KIF1B: variants seen among roughly 807,000 people sequenced by gnomAD.
The protein encoded by KIF1B is kinesin family member 1B.
In KIF1B, 76 loss-of-function variants were observed where a neutral mutation model predicts 241.9. The ratio of observed to expected loss-of-function variants is 0.31; its 90% CI spans 0.26 to 0.38. The LOEUF is 0.38. KIF1B is among the 10% of genes least tolerant of loss of function. The probability of loss-of-function intolerance (pLI) is 1.00; values close to 1 mark genes in which losing one functional copy is unlikely to be tolerated. For synonymous variants in KIF1B, 750 were observed against 796.7 expected, an observed-to-expected ratio of 0.94 and a Z score of 0.99; for missense variants, 1,622 against 2,271.4, an observed-to-expected ratio of 0.71 and a Z score of 5.81.
At chr1:10,268,441 A>G (rs966810432) in intron 7 of KIF1B, among the ~76,000 whole-genome samples, 178 bp downstream of exon 7, 2 of 152,142 alleles carry the variant, frequency 1.3e-5, no homozygotes, top group African/African-American at 2.4e-5. Flanking sequence ...AGTTTTCTGT[A>G]TAGGTTCTTA....
chr1:10,242,319 C>G (rs1647148531), intron 2 of KIF1B, among the ~76,000 whole-genome samples: 1 of 151,884 alleles, frequency 6.6e-6, no homozygotes. Flanking sequence ...ATGGAGTGTA[C>G]TTACACAAAC....
chr1:10,345,996 C>A, intron 35 of KIF1B, 43 bp downstream of exon 35: 2 of 1,277,712 alleles, frequency 1.6e-6, no homozygotes, highest in Non-Finnish European at 2.3e-6. Context: ...CAAAATGTTT[C>A]AAATTAGGAA....
intron 44 of KIF1B, among the ~76,000 whole-genome samples, chr1:10,368,979 G>A (rs909632418): frequency 3.9e-5 from 6 of 152,086 alleles, no homozygotes; most frequent in African/African-American, 1.2e-4. Context: ...AAACCCTCCC[G>A]GCTCATTCCT....
In KIF1B at chr1:10,381,461, G is replaced by T. The variant is rs1207085521; in HGVS notation, c.*4874G>T. 1.4e-5 allele frequency: 3 copies of T among 207,562 alleles called. No individual in the cohort carries two copies. Among genetic ancestry groups the T allele is most frequent in the African/African-American group, 6.8e-5 (3 of 43,902 alleles). The allele number at this position is 207,562 out of a possible 1,614,324, so 12.9% of individuals were successfully genotyped here. A position where few individuals can be genotyped will look rare whatever the true frequency, so the allele number is the denominator to read the frequency against. On this transcript the variant is annotated 3_prime_UTR_variant, in exon 49 of 49. Coordinates refer to ENST00000676179, the MANE Select transcript of KIF1B (RefSeq NM_001365951.3). ...TATACAGACTGTAAATATAGTTCTT[G>T]TATTTGTACTAATTCTGATTCTTTT... is the stretch of plus-strand genomic sequence containing the variant.
At chr1:10,343,505 C>A (rs530323262) in intron 34 of KIF1B, among the ~76,000 whole-genome samples, 49 of 152,288 alleles carry the variant, frequency 3.2e-4, no homozygotes, top group Admixed American at 2.5e-3. Flanking sequence ...TGCCTGTAAT[C>A]CCAGCACTTT....
intron 9 of KIF1B, among the ~76,000 whole-genome samples, chr1:10,272,750 T>C (rs1196584041): frequency 3.3e-5 from 5 of 151,990 alleles, no homozygotes; most frequent in African/African-American, 1.2e-4. Flanking sequence ...AGTTTTGTTC[T>C]TTCCTACTCC....
intron 27 of KIF1B, 53 bp from the exon 28 acceptor site, chr1:10,334,467 A>T (rs1490059695): frequency 1.5e-6 from 2 of 1,335,874 alleles, no homozygotes; most frequent in East Asian, 4.6e-5. Context: ...TCTGAAAGCC[A>T]GTTTATCTCT....
At chr1:10,370,267 A>G (rs1161837782) in intron 44 of KIF1B, among the ~76,000 whole-genome samples, 2 of 151,780 alleles carry the variant, frequency 1.3e-5, no homozygotes, top group Non-Finnish European at 2.9e-5. Context: ...ATAAATAAAG[A>G]TAATGCAGGA....
intron 1 of KIF1B, among the ~76,000 whole-genome samples, chr1:10,232,044 C>G (rs914051428): frequency 6.6e-6 from 1 of 152,016 alleles, no homozygotes; most frequent in Non-Finnish European, 1.5e-5. Flanking sequence ...CACTTGAACC[C>G]TGGAGTTCAA....
chr1:10,238,816 A>G (rs1456108859), intron 2 of KIF1B, among the ~76,000 whole-genome samples: 1 of 152,234 alleles, frequency 6.6e-6, no homozygotes, highest in East Asian at 1.9e-4. Context: ...ATGAAAATAA[A>G]TGTAAATGCA....
rs1285523936 is a variant in KIF1B at position 10,374,468 on chromosome 1, G to T, written c.5096+3G>T. On this transcript the variant is annotated splice_donor_region_variant and intron_variant, in intron 46 of 48. Transcript: ENST00000676179. This position sits in a 1 kb window ranked among gnomAD's most constrained non-coding sequence, Gnocchi z 4.3. ...GATATTGAAGAAATTAGACCAAGGT[G>T]AGTACTATATTGAGCAGGAATGCCA... 6.2e-7 allele frequency: 1 copy of T among 1,614,056 alleles called. No homozygotes were observed. Among genetic ancestry groups the T allele is most frequent in the East Asian group, 2.2e-5 (1 of 44,902 alleles).
In KIF1B at chr1:10,326,180, G is replaced by T; in HGVS notation, c.2745G>T (p.Thr915=). 2 of 1,614,036 alleles carry T rather than the reference G, an allele frequency of 1.2e-6. No homozygotes were observed. Among genetic ancestry groups the T allele is most frequent in the East Asian group, 2.2e-5 (1 of 44,870 alleles). The part of the protein sequence containing the change: ...ADRTPSPTFS[T]ADSDITELAD... ...GCACACCCTCCCCCACTTTTTCCAC[G>T]GCCGATTCCGACATCACTGAGCTGG... The change falls in exon 27 of 49, where the codon ACG becomes ACT. Residue 915 remains threonine, a synonymous_variant. Transcript: ENST00000676179. This position sits in a 1 kb window ranked among gnomAD's most constrained non-coding sequence, Gnocchi z 5.2.
rs538435507 is a variant in KIF1B at position 10,340,454 on chromosome 1, C to G, written c.3513+595C>G. On this transcript the variant is annotated intron_variant, in intron 32 of 48. Coordinates refer to ENST00000676179, the MANE Select transcript of KIF1B (RefSeq NM_001365951.3). ...CTGAGAGTTTATTTTGTGTTAGTCACTGTTCTGAGAGTTTTTGTGTAATTT... is the reference window on the plus strand; with the variant it reads ...CTGAGAGTTTATTTTGTGTTAGTCAGTGTTCTGAGAGTTTTTGTGTAATTT... Among the ~76,000 whole-genome samples, 8 of 152,310 alleles carry G rather than the reference C, an allele frequency of 5.3e-5. 2 individuals are homozygous for G. Among genetic ancestry groups the G allele is most frequent in the African/African-American group, 1.9e-4 (8 of 41,582 alleles).
At chr1:10,225,903 C>G (rs1477536688) in intron 1 of KIF1B, among the ~76,000 whole-genome samples, 1 of 152,066 alleles carries the variant, frequency 6.6e-6, no homozygotes, top group African/African-American at 2.4e-5. Context: ...AGAAATAGAT[C>G]TGTACTTCAG....
At chr1:10,254,871 T>TA (rs1647679875) in intron 2 of KIF1B, among the ~76,000 whole-genome samples, 1 of 120,816 alleles carries the variant, frequency 8.3e-6, no homozygotes, top group South Asian at 2.8e-4. Context: ...AGGGAGACTC[T>TA]GTCTCAAAAA....
chr1:10,226,049 T>G (rs1220328775), intron 1 of KIF1B, among the ~76,000 whole-genome samples: 1 of 151,936 alleles, frequency 6.6e-6, no homozygotes, highest in African/African-American at 2.4e-5. Flanking sequence ...GTAGTATGGA[T>G]AGGGTAGGAG....
intron 2 of KIF1B, among the ~76,000 whole-genome samples, chr1:10,238,706 AAACAACAAC>A (rs146414281): frequency 6.0e-5 from 9 of 150,568 alleles, no homozygotes; most frequent in East Asian, 2.0e-4. Context: ...CCCCATCCAA[AAACAACAAC>A]AACAACAACA....
At chr1:10,258,463 G>A in intron 3 of KIF1B, 30 bp from the exon 4 acceptor site, 6 of 1,594,586 alleles carry the variant, frequency 3.8e-6, no homozygotes, top group Non-Finnish European at 5.2e-6. Flanking sequence ...TTAATAAAAG[G>A]TTATTTATTT....
Position 10,272,023 on chromosome 1 carries a change from A to G in KIF1B, c.799-218A>G, listed in dbSNP as rs59661672. 0.016 allele frequency among the ~76,000 whole-genome samples: 2,389 copies of G among 152,362 alleles called. 63 individuals are homozygous for G. Among genetic ancestry groups the G allele is most frequent in the African/African-American group, 0.053 (2,216 of 41,584 alleles). On this transcript the variant is annotated intron_variant, in intron 8 of 48. Coordinates refer to ENST00000676179, the MANE Select transcript of KIF1B (RefSeq NM_001365951.3). ...GCACACATCTGTAAGCTTTTGGAGC[A>G]CAAATATCTCGAAGATACTTCAGGA...
Sources: allele counts gnomAD v4.1 joint callset (sites outside exome capture counted in the v4.1 genomes callset), GRCh38; gene constraint gnomAD v4.1.1; non-coding constraint Gnocchi (gnomAD v3.1); transcripts MANE v1.5; gene names NCBI Gene and HGNC (gene_info 2026-07-23, HGNC 2026-07-21).